Variants in PCDHA4 observed in about 807,000 individuals in gnomAD.
PCDHA4 encodes protocadherin alpha-4.
Under a neutral mutation model 61.4 loss-of-function variants are expected in PCDHA4, and 49 were observed. The ratio of observed to expected loss-of-function variants is 0.80; its 90% CI spans 0.63 to 1.01. PCDHA4 has a LOEUF of 1.01. Among genes scored for constraint, PCDHA4 ranks in the 50% least tolerant of loss-of-function variants. The pLI is 0.00. For missense variants in PCDHA4, 1,254 were observed against 1,235.8 expected (o/e 1.01, Z -0.22); for synonymous variants, 590 against 550.3 (o/e 1.07, Z -1.01).
At chr5:140,886,631 G>T (rs1314948402) in intron 1 of PCDHA4, among the ~76,000 whole-genome samples, 1 of 151,860 alleles carries the variant, frequency 6.6e-6, no homozygotes. Context: ...TCCGAGACCA[G>T]CCTGGCCAAC....
chr5:140,828,280 G>T, intron 1 of PCDHA4: 2 of 1,614,102 alleles, frequency 1.2e-6, no homozygotes, highest in Non-Finnish European at 1.7e-6. Context: ...TGCCGCGCCT[G>T]TTCAGGATGG....
chr5:140,847,960 C>T (rs1781264454), intron 1 of PCDHA4: 1 of 152,930 alleles, frequency 6.5e-6, no homozygotes. Context: ...ACACTAGAAT[C>T]CTATTTCGAG....
chr5:140,819,038 T>C (rs1554127598), intron 1 of PCDHA4, among the ~76,000 whole-genome samples: 1 of 152,230 alleles, frequency 6.6e-6, no homozygotes, highest in Non-Finnish European at 1.5e-5. Context: ...CATTCCCTTA[T>C]AGGGCAGTTA....
In PCDHA4 at chr5:140,834,181, A is replaced by G. The variant is rs999943997; in HGVS notation, c.2385+24609A>G. 5 of 566,952 alleles carry G rather than the reference A, an allele frequency of 8.8e-6. No homozygotes were observed. In the South Asian group the frequency reaches 1.3e-4, roughly 15 times the overall value. The allele number at this position is 566,952 out of a possible 1,614,324, so 35.1% of individuals were successfully genotyped here. A position where few individuals can be genotyped will look rare whatever the true frequency, so the allele number is the denominator to read the frequency against. On this transcript the variant is annotated intron_variant, in intron 1 of 3. Transcript: ENST00000530339. The stretch of plus-strand genomic sequence containing the variant: ...TAATTCTTACTTACATGATGGCCAC[A>G]TGATGTCGCTCTTTACCGCAAATTC...
In PCDHA4 at chr5:140,929,213, A is replaced by T. The variant is rs199608631; in HGVS notation, c.2386-49736A>T. On this transcript the variant is annotated intron_variant, in intron 1 of 3. Coordinates refer to ENST00000530339, the MANE Select transcript of PCDHA4 (RefSeq NM_018907.4). ...AATAACAGTTTGCTGTTGCGTGGGG[A>T]GTACAATGCTGCCGACCTGCGAAAT... 3 of 1,614,052 alleles carry T rather than the reference A, an allele frequency of 1.9e-6. No homozygotes were observed. The East Asian group carries it at 6.7e-5, about 36-fold the overall frequency.
At position 140,987,235 on chromosome 5, in the gene PCDHA4, T is replaced by G. The variant is rs189203030; in HGVS notation, c.2533+4672T>G. Among the ~76,000 whole-genome samples, 565 of 151,370 alleles carry G rather than the reference T, an allele frequency of 3.7e-3. 4 individuals are homozygous for G. The highest frequency in any genetic ancestry group is 0.013 in the African/African-American group (539 of 41,236). On this transcript the variant is annotated intron_variant, in intron 3 of 3. Transcript: ENST00000530339. Reference sequence around the variant, plus strand: ...TCTCAAAAAAAAAAAAAATAATAAATAAAGAAAGAAAGACATTCTCAGGAA... The same window carrying G: ...TCTCAAAAAAAAAAAAAATAATAAAGAAAGAAAGAAAGACATTCTCAGGAA...
At chr5:140,822,276 G>A (rs1179110799) in intron 1 of PCDHA4, 2 of 1,614,126 alleles carry the variant, frequency 1.2e-6, no homozygotes, top group Non-Finnish European at 1.7e-6. Flanking sequence ...ATGCACAATT[G>A]AGATACAGGT....
At chr5:140,996,622 G>C (rs2097735162) in intron 3 of PCDHA4, among the ~76,000 whole-genome samples, 1 of 152,156 alleles carries the variant, frequency 6.6e-6, no homozygotes, top group African/African-American at 2.4e-5. Context: ...AATTTCACTG[G>C]TTCCTGCAAA....
intron 3 of PCDHA4, among the ~76,000 whole-genome samples, chr5:141,004,120 T>C (rs1340380913): frequency 6.6e-6 from 1 of 152,178 alleles, no homozygotes; most frequent in African/African-American, 2.4e-5. Flanking sequence ...AAAGGGAGTA[T>C]CTCCATGATT....
chr5:140,898,506 G>A (rs1185053384), intron 1 of PCDHA4, among the ~76,000 whole-genome samples: 2 of 152,132 alleles, frequency 1.3e-5, no homozygotes, highest in Admixed American at 1.3e-4. Context: ...TTGTAGATAT[G>A]CGGCGTTATT....
intron 3 of PCDHA4, among the ~76,000 whole-genome samples, chr5:140,984,534 G>C (rs1261585417): frequency 6.6e-6 from 1 of 152,136 alleles, no homozygotes; most frequent in Non-Finnish European, 1.5e-5. Context: ...TTCATGGACT[G>C]TGCTGGATAG....
intron 1 of PCDHA4, chr5:140,834,377 A>C (rs1445346495): frequency 1.3e-6 from 2 of 1,562,428 alleles, no homozygotes; most frequent in Admixed American, 2.0e-5. Flanking sequence ...CAAGCCAATA[A>C]TTTGAAATGG....
rs976941925 is a variant in PCDHA4, at chr5:140,854,525, C to T, written c.2385+44953C>T. 1.3e-5 allele frequency: 2 copies of T among 149,636 alleles called. 1 individual carries two copies. The highest frequency in any genetic ancestry group is 4.9e-5 in the African/African-American group (2 of 40,820). 9.3% of individuals were successfully genotyped at this position (149,636 alleles called of 1,614,324 possible). A position where few individuals can be genotyped will look rare whatever the true frequency, so the allele number is the denominator to read the frequency against. On this transcript the variant is annotated intron_variant, in intron 1 of 3. Transcript: ENST00000530339. ...CATAAACTGATGGATTAAGTGACAC[C>T]CATTTCTGTCAGTTTTCTTATTCAT...
At position 140,857,876 on chromosome 5, in the gene PCDHA4, T is replaced by C. The variant is rs2044975773; in HGVS notation, c.2385+48304T>C. ...ATACAACGCGTGGCTGTCGTATGAATTGCAGTCGGCGGCGGTTGGTGCACG... is the reference window on the plus strand; with the variant it reads ...ATACAACGCGTGGCTGTCGTATGAACTGCAGTCGGCGGCGGTTGGTGCACG... On this transcript the variant is annotated intron_variant, in intron 1 of 3. Coordinates refer to ENST00000530339, the MANE Select transcript of PCDHA4 (RefSeq NM_018907.4). 3.1e-6 allele frequency: 5 copies of C among 1,597,774 alleles called. 1 individual carries two copies. Among genetic ancestry groups the C allele is most frequent in the East Asian group, 2.2e-5 (1 of 44,820 alleles).
In PCDHA4 at chr5:140,946,631, T is replaced by TATATATATATATATATATATAC. The variant is rs57893927; in HGVS notation, c.2386-32317_2386-32316insTATATATATATATATATATACA. 3.0e-3 allele frequency among the ~76,000 whole-genome samples: 389 copies of TATATATATATATATATATATAC among 131,774 alleles called. 27 individuals are homozygous for TATATATATATATATATATATAC. The highest frequency in any genetic ancestry group is 0.013 in the African/African-American group (369 of 28,648). 86.4% of individuals were successfully genotyped at this position (131,774 alleles called of 152,430 possible). A position where few individuals can be genotyped will look rare whatever the true frequency, so the allele number is the denominator to read the frequency against. ...TGTGAAATATATATATATATATATA[T>TATATATATATATATATATATAC]ACAATGGAATACTCATCAGCCATTA... On this transcript the variant is annotated intron_variant, in intron 1 of 3. Coordinates refer to ENST00000530339, the MANE Select transcript of PCDHA4 (RefSeq NM_018907.4).
intron 1 of PCDHA4, among the ~76,000 whole-genome samples, chr5:140,885,154 T>C (rs1483016887): frequency 2.0e-5 from 3 of 152,168 alleles, no homozygotes; most frequent in African/African-American, 7.2e-5. Context: ...GTTTTGATTG[T>C]CTCTACTTTT....
At chr5:140,958,905 A>G (rs1295198062) in intron 1 of PCDHA4, among the ~76,000 whole-genome samples, 1 of 149,390 alleles carries the variant, frequency 6.7e-6, no homozygotes, top group Non-Finnish European at 1.5e-5. Flanking sequence ...AGATACAGAA[A>G]AGTCTGCCTG....
chr5:140,817,956 G>C (rs1766244788), intron 1 of PCDHA4, among the ~76,000 whole-genome samples: 1 of 152,142 alleles, frequency 6.6e-6, no homozygotes, highest in African/African-American at 2.4e-5. Flanking sequence ...TGTTCAATTA[G>C]TGTGTCTTTT....
At chr5:140,876,480 C>T (rs368324550) in intron 1 of PCDHA4, 10 of 1,613,874 alleles carry the variant, frequency 6.2e-6, no homozygotes, top group Non-Finnish European at 8.5e-6. Context: ...ACAGCATGGT[C>T]CTGGTGGAAG....
Sources: allele counts gnomAD v4.1 joint callset (sites outside exome capture counted in the v4.1 genomes callset), GRCh38; gene constraint gnomAD v4.1.1; transcripts MANE v1.5; gene names NCBI Gene and HGNC (gene_info 2026-07-23, HGNC 2026-07-21).